CDK14: variants seen among roughly 807,000 people sequenced by gnomAD.
CDK14 encodes the protein cyclin-dependent kinase 14.
Under a neutral mutation model 60.7 loss-of-function variants are expected in CDK14, and 34 were observed. The ratio of observed to expected loss-of-function variants is 0.56; its 90% confidence interval spans 0.43 to 0.75. The LOEUF is 0.75. Among genes scored for constraint, CDK14 ranks in the 30% least tolerant of loss-of-function variants. CDK14 has a pLI of 0.00. For missense variants in CDK14, 482 were observed against 564.1 expected (o/e 0.85, Z 1.47); for synonymous variants, 197 against 203.7 (o/e 0.97, Z 0.28).
intron 12 of CDK14, 37 bp downstream of exon 12, chr7:91,079,517 T>G: frequency 1.4e-6 from 2 of 1,419,492 alleles, no homozygotes; most frequent in South Asian, 1.2e-5. Context: ...TTCTCTTTCT[T>G]TCTCTTTTAA....
At chr7:91,169,472 T>C (rs1253830866) in intron 14 of CDK14, among the ~76,000 whole-genome samples, 1 of 152,222 alleles carries the variant, frequency 6.6e-6, no homozygotes, top group Non-Finnish European at 1.5e-5. Context: ...TAAATTGTTT[T>C]TTTAAACTGA....
At chr7:90,813,814 C>T (rs902829339) in intron 5 of CDK14, among the ~76,000 whole-genome samples, 16 of 151,918 alleles carry the variant, frequency 1.1e-4, no homozygotes, top group Non-Finnish European at 2.4e-4. Flanking sequence ...GAATGTAAAA[C>T]AAACAAATCT....
chr7:90,941,248 A>T (rs1793924100), intron 8 of CDK14, among the ~76,000 whole-genome samples: 1 of 152,190 alleles, frequency 6.6e-6, no homozygotes. Flanking sequence ...GCATGGATGC[A>T]CCAAAGTGCA....
intron 5 of CDK14, among the ~76,000 whole-genome samples, chr7:90,791,249 A>C (rs529871916): frequency 2.0e-5 from 3 of 152,262 alleles, no homozygotes; most frequent in African/African-American, 7.2e-5. Flanking sequence ...AAATAGCTCT[A>C]TCTTTGCTTT....
At chr7:90,867,788 G>C (rs552017244) in intron 6 of CDK14, among the ~76,000 whole-genome samples, 9 of 151,724 alleles carry the variant, frequency 5.9e-5, no homozygotes, top group Middle Eastern at 3.4e-3. Flanking sequence ...TTACAATTTT[G>C]GTAGTAGAGT....
intron 5 of CDK14, among the ~76,000 whole-genome samples, chr7:90,811,392 G>T (rs1789105356): frequency 6.6e-6 from 1 of 152,030 alleles, no homozygotes; most frequent in Non-Finnish European, 1.5e-5. Flanking sequence ...AATAAATGGT[G>T]CTGGGAAAAC....
intron 14 of CDK14, among the ~76,000 whole-genome samples, chr7:91,125,319 C>G (rs1012427587): frequency 6.6e-6 from 1 of 152,012 alleles, no homozygotes; most frequent in Non-Finnish European, 1.5e-5. Flanking sequence ...AGACAGATAG[C>G]AAATGTAATG....
chr7:91,045,783 GAA>G, intron 10 of CDK14, 112 bp from the exon 11 acceptor site: 2 of 635,376 alleles, frequency 3.1e-6, no homozygotes, highest in South Asian at 2.3e-5. Context: ...TACGATAATG[GAA>G]AAAAAAATAC....
chr7:90,874,122 C>T (rs1198766922), intron 6 of CDK14, among the ~76,000 whole-genome samples: 1 of 152,130 alleles, frequency 6.6e-6, no homozygotes, highest in Non-Finnish European at 1.5e-5. Flanking sequence ...CAGGCATGCC[C>T]TTCCCCTCTT....
chr7:90,979,934 T>C (rs1447954582), intron 9 of CDK14: 1 of 150,680 alleles, frequency 6.6e-6, no homozygotes. Context: ...ACTGATTTGC[T>C]CATTTTAAAT....
At chr7:90,668,086 C>A (rs13225822) in intron 2 of CDK14, among the ~76,000 whole-genome samples, 131,975 of 152,204 alleles carry the variant, frequency 0.87, 57,467 homozygotes, top group East Asian at 1. Flanking sequence ...TAACTTTTTG[C>A]GGAACTGCAC....
At chr7:90,983,554 C>T (rs1215714874) in intron 9 of CDK14, among the ~76,000 whole-genome samples, 1 of 151,982 alleles carries the variant, frequency 6.6e-6, no homozygotes, top group African/African-American at 2.4e-5. Context: ...GTGGCAGGCA[C>T]CTGTAGTCCC....
chr7:90,955,634 A>G (rs118091252), intron 8 of CDK14, 63 bp from the exon 9 acceptor site: 29,867 of 1,595,538 alleles, frequency 0.019, 335 homozygotes, highest in Middle Eastern at 0.03. Context: ...TGAACGTTCA[A>G]ATTTAAATTC....
intron 14 of CDK14, among the ~76,000 whole-genome samples, chr7:91,134,074 C>T (rs910830185): frequency 1.3e-5 from 2 of 152,102 alleles, no homozygotes; most frequent in African/African-American, 4.8e-5. Context: ...CCGGATTCTC[C>T]ACCTGCTGCT....
chr7:90,728,009 G>A (rs186850765), intron 3 of CDK14, among the ~76,000 whole-genome samples: 129 of 152,172 alleles, frequency 8.5e-4, no homozygotes, highest in African/African-American at 2.7e-3. Flanking sequence ...TTTATCTGTC[G>A]TTGATTACTT....
intron 12 of CDK14, among the ~76,000 whole-genome samples, chr7:91,080,702 T>C (rs1370008729): frequency 6.6e-6 from 1 of 152,220 alleles, no homozygotes; most frequent in African/African-American, 2.4e-5. Flanking sequence ...CACATTCCTC[T>C]CATAGGAATA....
At chr7:90,720,535 T>G (rs1364157413) in intron 2 of CDK14, among the ~76,000 whole-genome samples, 1 of 152,176 alleles carries the variant, frequency 6.6e-6, no homozygotes, top group African/African-American at 2.4e-5. Flanking sequence ...TAAGCATTGT[T>G]TACTGACCTA....
chr7:91,190,937 G>A (rs1802342359), intron 14 of CDK14, among the ~76,000 whole-genome samples: 1 of 152,238 alleles, frequency 6.6e-6, no homozygotes, highest in African/African-American at 2.4e-5. Context: ...GTGAGGGAGG[G>A]ATGGCATCAA....
At position 90,899,328 on chromosome 7, in the gene CDK14, G is replaced by T; in HGVS notation, c.677G>T (p.Gly226Val). ...TGTCAGTACATGGACAAGCACCCTG[G>T]GGGGCTGCATCCAGATAATGTGAAG... ...DLCQYMDKHP[G>V]GLHPDNVKLF... Residue 226 changes from glycine (G) to valine (V), a missense_variant, in exon 7 of 15, where the codon GGG becomes GTG. Coordinates refer to ENST00000380050, the MANE Select transcript of CDK14 (RefSeq NM_001287135.2). 1 of 1,601,846 alleles carries T rather than the reference G, an allele frequency of 6.2e-7. No homozygotes were observed. Among genetic ancestry groups the T allele is most frequent in the Non-Finnish European group, 8.5e-7 (1 of 1,174,936 alleles).
Sources: allele counts gnomAD v4.1 joint callset (sites outside exome capture counted in the v4.1 genomes callset), GRCh38; gene constraint gnomAD v4.1.1; transcripts MANE v1.5; gene names NCBI Gene and HGNC (gene_info 2026-07-23, HGNC 2026-07-21).